The following WWP2 variants were observed in gnomAD, a reference collection of about 807,000 sequenced individuals.
WWP2 encodes the protein WW domain containing E3 ubiquitin protein ligase 2, also known as NEDD4-like E3 ubiquitin-protein ligase WWP2.
In WWP2, 57 loss-of-function variants were observed where a neutral mutation model predicts 121.0. The observed-to-expected ratio is 0.47, with a 90% CI of 0.38 to 0.59. The LOEUF (loss-of-function observed/expected upper bound fraction) is 0.59, where lower values mean the gene tolerates loss of function less well. WWP2 is among the 20% of genes least tolerant of loss of function. The probability of loss-of-function intolerance (pLI) is 0.00; values close to 1 mark genes in which losing one functional copy is unlikely to be tolerated. For synonymous variants in WWP2, 449 were observed against 441.3 expected, an observed-to-expected ratio of 1.02 and a Z score of -0.22; for missense variants, 962 against 1,158.9, an observed-to-expected ratio of 0.83 and a Z score of 2.47.
At chr16:69,824,246 T>C (rs929968280) in intron 4 of WWP2, among the ~76,000 whole-genome samples, 2 of 152,224 alleles carry the variant, frequency 1.3e-5, no homozygotes, top group Admixed American at 1.3e-4. Context: ...ATTTTCCCTC[T>C]TCCTTCAGAC....
intron 2 of WWP2, among the ~76,000 whole-genome samples, chr16:69,789,037 T>C (rs1412471345): frequency 6.6e-6 from 1 of 152,176 alleles, no homozygotes; most frequent in Non-Finnish European, 1.5e-5. Flanking sequence ...TCATGGAGTT[T>C]AAAAATCTTA....
intron 4 of WWP2, among the ~76,000 whole-genome samples, chr16:69,835,851 G>A (rs1053668355): frequency 2.0e-5 from 3 of 148,964 alleles, no homozygotes; most frequent in African/African-American, 7.4e-5. Context: ...TGCCCAGGCT[G>A]GAATGTGGTG....
chr16:69,886,802 G>T (rs1188184436), intron 7 of WWP2, among the ~76,000 whole-genome samples: 2 of 152,154 alleles, frequency 1.3e-5, no homozygotes, highest in Non-Finnish European at 2.9e-5. Flanking sequence ...AAGTACATCT[G>T]TTCAATGATG....
chr16:69,808,624 A>G (rs779804271), intron 4 of WWP2, among the ~76,000 whole-genome samples: 1 of 150,886 alleles, frequency 6.6e-6, no homozygotes, highest in Non-Finnish European at 1.5e-5. Context: ...CTGGTCTTGA[A>G]CTCCTGACCT....
In WWP2 at chr16:69,937,376, C is replaced by A. The variant is rs972230242; in HGVS notation, c.2238+138C>A. 1 of 1,441,060 alleles carries A rather than the reference C, an allele frequency of 6.9e-7. No individual in the cohort carries two copies. Among genetic ancestry groups the A allele is most frequent in the Non-Finnish European group, 9.3e-7 (1 of 1,070,878 alleles). 89.3% of individuals were successfully genotyped at this position (1,441,060 alleles called of 1,614,324 possible). A position where few individuals can be genotyped will look rare whatever the true frequency, so the allele number is the denominator to read the frequency against. On this transcript the variant is annotated intron_variant, in intron 20 of 23. Coordinates refer to ENST00000359154, the MANE Select transcript of WWP2 (RefSeq NM_001270454.2). The surrounding 1 kb of genome is among the most constrained non-coding windows in gnomAD (Gnocchi z 6.6). ...GGGCAGATGGGTTTGATTTGGGACC[C>A]ACCCTTCCCCAGACACTTGTTTCAA...
intron 10 of WWP2, among the ~76,000 whole-genome samples, chr16:69,918,987 G>C (rs1401634552): frequency 1.3e-5 from 2 of 151,552 alleles, no homozygotes; most frequent in Non-Finnish European, 2.9e-5. Flanking sequence ...GGGATTACAG[G>C]TGCCCACCAC....
chr16:69,853,188 C>T (rs1482014630), intron 6 of WWP2, among the ~76,000 whole-genome samples: 1 of 152,106 alleles, frequency 6.6e-6, no homozygotes, highest in African/African-American at 2.4e-5. Context: ...ACAGAAAACA[C>T]TCTAGGTATT....
chr16:69,782,699 T>C (rs2055689539), intron 1 of WWP2, among the ~76,000 whole-genome samples: 1 of 152,220 alleles, frequency 6.6e-6, no homozygotes, highest in Non-Finnish European at 1.5e-5. Flanking sequence ...TTAAATCTTT[T>C]TGGAAACTAG....
At chr16:69,814,653 T>C (rs566127720) in intron 4 of WWP2, among the ~76,000 whole-genome samples, 1 of 152,332 alleles carries the variant, frequency 6.6e-6, no homozygotes, top group East Asian at 1.9e-4. Context: ...ACCTCCTATT[T>C]ATTTAAAAAT....
intron 4 of WWP2, among the ~76,000 whole-genome samples, chr16:69,807,652 A>T (rs529619366): frequency 1.3e-5 from 2 of 149,948 alleles, no homozygotes; most frequent in Admixed American, 1.3e-4. Context: ...AAAGAAAAGA[A>T]AAAGGAAAAT....
At chr16:69,914,138 G>A (rs2058444246) in intron 9 of WWP2, among the ~76,000 whole-genome samples, 1 of 143,396 alleles carries the variant, frequency 7.0e-6, no homozygotes, top group South Asian at 2.3e-4. Context: ...ATGAGAAGAT[G>A]TGACCAAGAC....
intron 21 of WWP2, among the ~76,000 whole-genome samples, chr16:69,938,638 C>T (rs2058834803): frequency 6.6e-6 from 1 of 152,216 alleles, no homozygotes; most frequent in Non-Finnish European, 1.5e-5. Context: ...AGAGCAGTGG[C>T]TTCCAGTACA....
intron 4 of WWP2, among the ~76,000 whole-genome samples, chr16:69,836,805 A>G (rs2056884579): frequency 6.6e-6 from 1 of 152,018 alleles, no homozygotes; most frequent in African/African-American, 2.4e-5. Flanking sequence ...TAATAGAGAC[A>G]GGGTCTCACC....
rs76225953 is a variant in WWP2, at chr16:69,895,857, G to T, written c.914+7608G>T. Among the ~76,000 whole-genome samples, 619 of 152,280 alleles carry T rather than the reference G, an allele frequency of 4.1e-3. 4 individuals carry two copies. The highest frequency in any genetic ancestry group is 0.014 in the African/African-American group (581 of 41,548). On this transcript the variant is annotated intron_variant, in intron 8 of 23. Coordinates refer to ENST00000359154, the MANE Select transcript of WWP2 (RefSeq NM_001270454.2). ...TGGGCTGTGGACCATTCTTTGAGTAGCATCAGATTAAAGGATTACACTGAG... is the reference window on the plus strand; with the variant it reads ...TGGGCTGTGGACCATTCTTTGAGTATCATCAGATTAAAGGATTACACTGAG...
intron 4 of WWP2, among the ~76,000 whole-genome samples, chr16:69,820,825 TACACACACACAC>T (rs34214656): frequency 7.6e-5 from 11 of 144,070 alleles, no homozygotes; most frequent in African/African-American, 2.8e-4. Flanking sequence ...TACATGCATA[TACACACACACAC>T]ACACACACAC....
rs187634646 is a variant in WWP2, at chr16:69,884,138, C to T, written c.704-3901C>T. Among the ~76,000 whole-genome samples, 737 of 152,258 alleles carry T rather than the reference C, an allele frequency of 4.8e-3. 5 individuals carry two copies. The highest frequency in any genetic ancestry group is 0.017 in the African/African-American group (698 of 41,562). ...ATATACAAGCGTATGTATATATATT[C>T]CTTGAAAAAACACACACATGTGTAT... is the stretch of plus-strand genomic sequence containing the variant. On this transcript the variant is annotated intron_variant, in intron 7 of 23. Transcript: ENST00000359154.
intron 6 of WWP2, among the ~76,000 whole-genome samples, chr16:69,852,526 G>A (rs187137218): frequency 1.3e-5 from 2 of 152,110 alleles, no homozygotes; most frequent in South Asian, 2.1e-4. Context: ...CGCCCACCTC[G>A]GCCTCCCAAA....
At chr16:69,837,408 A>G (rs560067405) in intron 4 of WWP2, among the ~76,000 whole-genome samples, 1 of 152,334 alleles carries the variant, frequency 6.6e-6, no homozygotes, top group South Asian at 2.1e-4. Context: ...AAGGTGTTGT[A>G]TGATGGCTTC....
At chr16:69,805,468 A>C (rs2151823002) in intron 4 of WWP2, among the ~76,000 whole-genome samples, 1 of 152,302 alleles carries the variant, frequency 6.6e-6, no homozygotes, top group Middle Eastern at 3.4e-3. Context: ...AATGCCCTCT[A>C]GTAAATAACT....
Sources: gnomAD v4.1 joint callset for allele counts (sites outside exome capture counted in the v4.1 genomes callset) on GRCh38, gnomAD v4.1.1 for gene constraint, Gnocchi (gnomAD v3.1) non-coding constraint, MANE v1.5 for transcripts, NCBI Gene and HGNC (gene_info 2026-07-23, HGNC 2026-07-21) for gene names.